GMDS: variants seen among roughly 807,000 people sequenced by gnomAD.
GMDS encodes the protein GDP-mannose 4,6 dehydratase.
In GMDS, 20 loss-of-function variants were observed where a neutral mutation model predicts 49.9. The ratio of observed to expected loss-of-function variants is 0.40; its 90% CI spans 0.28 to 0.58. The LOEUF is 0.58. Ranked by LOEUF, GMDS falls within the 20% of genes least tolerant of loss-of-function variation. The pLI is 0.42. For missense variants in GMDS, 362 were observed against 481.4 expected, an observed-to-expected ratio of 0.75 and a Z score of 2.32; for synonymous variants, 177 against 178.6, an observed-to-expected ratio of 0.99 and a Z score of 0.07.
intron 4 of GMDS, among the ~76,000 whole-genome samples, chr6:2,103,039 T>C (rs1273084890): frequency 6.6e-6 from 1 of 152,212 alleles, no homozygotes; most frequent in African/African-American, 2.4e-5. Context: ...TCTACTGATA[T>C]GACAGAGTAT....
In GMDS at chr6:1,647,208, T is replaced by A. The variant is rs570725248; in HGVS notation, c.988-22668A>T. Among the ~76,000 whole-genome samples, 7 of 152,276 alleles carry A rather than the reference T, an allele frequency of 4.6e-5. No individual in the cohort carries two copies. In the South Asian group the frequency reaches 6.2e-4, roughly 14 times the overall value. On this transcript the variant is annotated intron_variant, in intron 9 of 10. Coordinates refer to ENST00000380815, the MANE Select transcript of GMDS (RefSeq NM_001500.4). ...TGTCCACGATGTGGCTTTAAAGTGG[T>A]TTCTTAACCAAGACATAACCCCTCC...
At chr6:2,233,706 G>C (rs1379837470) in intron 1 of GMDS, among the ~76,000 whole-genome samples, 1 of 152,138 alleles carries the variant, frequency 6.6e-6, no homozygotes, top group Non-Finnish European at 1.5e-5. Context: ...TGTAGTCCCA[G>C]CTACTCAGGA....
chr6:1,639,510 C>A (rs910828125), intron 9 of GMDS, among the ~76,000 whole-genome samples: 1 of 152,208 alleles, frequency 6.6e-6, no homozygotes, highest in Admixed American at 6.5e-5. Context: ...CGGCTGGGGG[C>A]CAAGTGGAAC....
At chr6:1,720,521 T>C (rs1766344507) in intron 9 of GMDS, among the ~76,000 whole-genome samples, 1 of 152,134 alleles carries the variant, frequency 6.6e-6, no homozygotes, top group Admixed American at 6.5e-5. Context: ...ATACAAGCAG[T>C]AAGAAGTTCA....
At chr6:2,061,175 G>A (rs967849202) in intron 4 of GMDS, among the ~76,000 whole-genome samples, 4 of 152,122 alleles carry the variant, frequency 2.6e-5, no homozygotes, top group Non-Finnish European at 5.9e-5. Context: ...AGGTCATAGA[G>A]GAAAAGGACG....
At chr6:1,978,438 C>T (rs983550559) in intron 4 of GMDS, among the ~76,000 whole-genome samples, 6 of 152,134 alleles carry the variant, frequency 3.9e-5, no homozygotes, top group South Asian at 2.1e-4. Flanking sequence ...GAGTCCTAGC[C>T]GACTGAGGCA....
At chr6:1,852,568 G>A (rs992675400) in intron 7 of GMDS, among the ~76,000 whole-genome samples, 4 of 151,862 alleles carry the variant, frequency 2.6e-5, no homozygotes, top group Non-Finnish European at 4.4e-5. Context: ...AAAAAGGTGC[G>A]TTTCTTTATA....
intron 7 of GMDS, among the ~76,000 whole-genome samples, chr6:1,835,162 G>T (rs566575360): frequency 1.5e-4 from 23 of 152,264 alleles, no homozygotes; most frequent in African/African-American, 4.6e-4. Context: ...GTTGCGTAAG[G>T]GGGGGTCTGT....
intron 4 of GMDS, among the ~76,000 whole-genome samples, chr6:2,009,148 A>G (rs952034886): frequency 3.9e-5 from 6 of 152,202 alleles, no homozygotes; most frequent in Non-Finnish European, 5.9e-5. Context: ...TTGGGAACAC[A>G]TTTTAGGCTC....
chr6:1,791,999 A>T (rs1293725362), intron 7 of GMDS, among the ~76,000 whole-genome samples: 2 of 152,124 alleles, frequency 1.3e-5, no homozygotes, highest in Non-Finnish European at 2.9e-5. Context: ...TTATCTCCTG[A>T]TCGATGTATT....
intron 7 of GMDS, among the ~76,000 whole-genome samples, chr6:1,821,074 T>C (rs979710304): frequency 6.6e-6 from 1 of 152,208 alleles, no homozygotes; most frequent in African/African-American, 2.4e-5. Context: ...ACTCTATATA[T>C]GGATGCATAT....
At chr6:1,862,272 T>C (rs902929943) in intron 7 of GMDS, among the ~76,000 whole-genome samples, 1 of 152,216 alleles carries the variant, frequency 6.6e-6, no homozygotes, top group African/African-American at 2.4e-5. Flanking sequence ...AGTATTGAAA[T>C]AGAAATAAAA....
chr6:1,971,832 A>G (rs1764630247), intron 4 of GMDS, among the ~76,000 whole-genome samples: 1 of 152,198 alleles, frequency 6.6e-6, no homozygotes, highest in Admixed American at 6.5e-5. Context: ...GGCGAATTGG[A>G]GCTCTCACAA....
chr6:1,852,651 A>G (rs1398921761), intron 7 of GMDS, among the ~76,000 whole-genome samples: 2 of 150,852 alleles, frequency 1.3e-5, no homozygotes, highest in East Asian at 3.9e-4. Flanking sequence ...GTTACTAACT[A>G]TCCTGAACTA....
At chr6:1,756,621 G>A (rs1403907067) in intron 7 of GMDS, among the ~76,000 whole-genome samples, 1 of 152,150 alleles carries the variant, frequency 6.6e-6, no homozygotes, top group Non-Finnish European at 1.5e-5. Flanking sequence ...AACTCAAGAG[G>A]GCTCAGAGGA....
Position 1,939,338 on chromosome 6 carries a change from C to T in GMDS, c.644-9108G>A, listed in dbSNP as rs910354084. 2.6e-5 allele frequency among the ~76,000 whole-genome samples: 4 copies of T among 151,844 alleles called. No homozygotes were observed. The South Asian group carries it at 8.3e-4, about 32-fold the overall frequency. ...CGCAAATGACGGCTTCCTCCTGAGACAGTCACTGTTTGTTTCTCCTGGGGG... is the reference window on the plus strand; with the variant it reads ...CGCAAATGACGGCTTCCTCCTGAGATAGTCACTGTTTGTTTCTCCTGGGGG... On this transcript the variant is annotated intron_variant, in intron 6 of 10. Transcript: ENST00000380815.
At position 2,130,557 on chromosome 6, in the gene GMDS, C is replaced by T. The variant is rs557957817; in HGVS notation, c.103-5826G>A. Among the ~76,000 whole-genome samples, 2 of 152,278 alleles carry T rather than the reference C, an allele frequency of 1.3e-5. 1 individual carries two copies. The highest frequency in any genetic ancestry group is 4.1e-4 in the South Asian group (2 of 4,826). ...CTCAAACCTATCAAGAAAAGAGAGC[C>T]GCTCTGTGGCCAGACACAATACCTT... On this transcript the variant is annotated intron_variant, in intron 1 of 10. Transcript: ENST00000380815.
chr6:1,737,605 C>A (rs1223669694), intron 8 of GMDS, among the ~76,000 whole-genome samples: 1 of 147,524 alleles, frequency 6.8e-6, no homozygotes, highest in South Asian at 2.2e-4. Context: ...ACACACCACA[C>A]ACACCACAAA....
chr6:2,003,487 C>T (rs935892688), intron 4 of GMDS, among the ~76,000 whole-genome samples: 10 of 152,050 alleles, frequency 6.6e-5, no homozygotes, highest in African/African-American at 2.4e-4. Context: ...TATATCCCAC[C>T]CACTCCCCAA....
Sources: allele counts gnomAD v4.1 joint callset (sites outside exome capture counted in the v4.1 genomes callset), GRCh38; gene constraint gnomAD v4.1.1; transcripts MANE v1.5; gene names NCBI Gene and HGNC (gene_info 2026-07-23, HGNC 2026-07-21).